The following FAM210B variants were observed in gnomAD, a reference collection of about 807,000 sequenced individuals.
FAM210B encodes family with sequence similarity 210 member B.
A neutral mutation model predicts 14.9 loss-of-function variants in FAM210B; 11 were observed. The observed-to-expected ratio is 0.74, with a 90% CI of 0.46 to 1.22. FAM210B has a LOEUF of 1.22. Ranked by LOEUF, FAM210B falls within the 50% of genes most tolerant of loss-of-function variation. The pLI is 0.00. For synonymous variants in FAM210B, 113 were observed against 110.2 expected (o/e 1.03, Z -0.16); for missense variants, 229 against 250.1 (o/e 0.92, Z 0.57).
At position 56,362,192 on chromosome 20, in the gene FAM210B, G is replaced by A. The variant is rs1306702730; in HGVS notation, c.187-2895G>A. Among the ~76,000 whole-genome samples, 2 of 152,140 alleles carry A rather than the reference G, an allele frequency of 1.3e-5. No homozygotes were observed. Among genetic ancestry groups the A allele is most frequent in the Admixed American group, 1.3e-4 (2 of 15,258 alleles). On this transcript the variant is annotated intron_variant, in intron 1 of 2. Coordinates refer to ENST00000371384, the MANE Select transcript of FAM210B (RefSeq NM_080821.3). This position sits in a 1 kb window ranked among gnomAD's most constrained non-coding sequence, Gnocchi z 4.8. ...TATTAATATGATTTCTCAAGTGGAA[G>A]AAAACAGGTGTCACTCCAAACACTG...
At chr20:56,365,400 T>TTGTGG in intron 2 of FAM210B, 138 bp downstream of exon 2, 1 of 881,318 alleles carries the variant, frequency 1.1e-6, no homozygotes, top group Admixed American at 2.6e-5. Flanking sequence ...AGTGGCATGA[T>TTGTGG]CACAGCTCAC....
At chr20:56,361,285 C>A (rs1398809860) in intron 1 of FAM210B, among the ~76,000 whole-genome samples, 1 of 152,146 alleles carries the variant, frequency 6.6e-6, no homozygotes, top group Non-Finnish European at 1.5e-5. Context: ...CCCTGTCTCC[C>A]GCCCCATTGG....
rs1302168138 is a variant in FAM210B, at chr20:56,359,026, G to A, written c.21G>A (p.Leu7=). 1 of 1,341,980 alleles carries A rather than the reference G, an allele frequency of 7.5e-7. No individual in the cohort carries two copies. Among genetic ancestry groups the A allele is most frequent in the Non-Finnish European group, 9.6e-7 (1 of 1,040,604 alleles). 83.1% of individuals were successfully genotyped at this position (1,341,980 alleles called of 1,614,324 possible). A position where few individuals can be genotyped will look rare whatever the true frequency, so the allele number is the denominator to read the frequency against. The part of the protein sequence containing the change: MAGLLA[L]LGPAGRVGAR... ...GCACCATGGCCGGGTTGCTGGCGTT[G>A]CTGGGTCCGGCAGGCAGGGTGGGCG... Residue 7 remains leucine, a synonymous_variant, in exon 1 of 3, where the codon TTG becomes TTA. Coordinates refer to ENST00000371384, the MANE Select transcript of FAM210B (RefSeq NM_080821.3). This position sits in a 1 kb window ranked among gnomAD's most constrained non-coding sequence, Gnocchi z 4.3.
chr20:56,366,779 T>C lies in FAM210B; in HGVS notation c.*492T>C, dbSNP rs1259233610. The C allele has an allele frequency of 6.4e-6, 1 of 156,616 alleles. No individual in the cohort carries two copies. Among genetic ancestry groups the C allele is most frequent in the African/African-American group, 2.4e-5 (1 of 41,490 alleles). The allele number at this position is 156,616 out of a possible 1,614,324, so 9.7% of individuals were successfully genotyped here. A position where few individuals can be genotyped will look rare whatever the true frequency, so the allele number is the denominator to read the frequency against. The stretch of plus-strand genomic sequence containing the variant: ...CTACAATTAATGAAGCAAAACTTAA[T>C]ATGTAATCACAATCTAAATTAGCAT... On this transcript the variant is annotated 3_prime_UTR_variant, in exon 3 of 3. Coordinates refer to ENST00000371384, the MANE Select transcript of FAM210B (RefSeq NM_080821.3).
rs541856770 is a variant in FAM210B at position 56,359,890 on chromosome 20, T to G, written c.186+699T>G. Among the ~76,000 whole-genome samples the G allele has an allele frequency of 2.1e-3, 319 of 152,332 alleles. 4 individuals are homozygous for G. Among genetic ancestry groups the G allele is most frequent in the South Asian group, 2.1e-3 (10 of 4,830 alleles). ...CCGGCCTGGCAGTCTGGAGCCTCTT[T>G]GTTTGCCTGGGTGCAGACAGGGCCC... is the stretch of plus-strand genomic sequence containing the variant. On this transcript the variant is annotated intron_variant, in intron 1 of 2. Coordinates refer to ENST00000371384, the MANE Select transcript of FAM210B (RefSeq NM_080821.3). This position sits in a 1 kb window ranked among gnomAD's most constrained non-coding sequence, Gnocchi z 4.3.
chr20:56,360,070 GC>G, intron 1 of FAM210B: 1 of 398,320 alleles, frequency 2.5e-6, no homozygotes, highest in Non-Finnish European at 5.2e-6. Flanking sequence ...CGCCGGCCCA[GC>G]GAACATCTCC....
chr20:56,359,081 C>T lies in FAM210B; in HGVS notation c.76C>T (p.Leu26=), dbSNP rs1409468089. Residue 26 remains leucine, a synonymous_variant, in exon 1 of 3, where the codon CTG becomes TTG. Coordinates refer to ENST00000371384, the MANE Select transcript of FAM210B (RefSeq NM_080821.3). This position sits in a 1 kb window ranked among gnomAD's most constrained non-coding sequence, Gnocchi z 4.3. ...ARVRPRATWL[L]GATAPCAPPP... ...GGTCCGGCCTCGCGCCACCTGGCTC[C>T]TGGGCGCCACCGCCCCCTGCGCCCC... The T allele has an allele frequency of 3.7e-6, 5 of 1,353,526 alleles. No individual in the cohort carries two copies. Among genetic ancestry groups the T allele is most frequent in the Admixed American group, 2.9e-5 (1 of 34,314 alleles). The allele number at this position is 1,353,526 out of a possible 1,614,324, so 83.8% of individuals were successfully genotyped here. A position where few individuals can be genotyped will look rare whatever the true frequency, so the allele number is the denominator to read the frequency against.
In FAM210B at chr20:56,359,069, G is replaced by C; in HGVS notation, c.64G>C (p.Ala22Pro). 1 of 1,356,066 alleles carries C rather than the reference G, an allele frequency of 7.4e-7. No individual in the cohort carries two copies. The highest frequency in any genetic ancestry group is 9.5e-7 in the Non-Finnish European group (1 of 1,049,756). 84.0% of individuals were successfully genotyped at this position (1,356,066 alleles called of 1,614,324 possible). Residue 22 changes from alanine (A) to proline (P), a missense_variant, in exon 1 of 3, where the codon GCC becomes CCC. Ala to Pro is a conservative substitution (Grantham distance 27). Coordinates refer to ENST00000371384, the MANE Select transcript of FAM210B (RefSeq NM_080821.3). This position sits in a 1 kb window ranked among gnomAD's most constrained non-coding sequence, Gnocchi z 4.3. ...GGTGGGCGCCCGGGTCCGGCCTCGC[G>C]CCACCTGGCTCCTGGGCGCCACCGC... ...GRVGARVRPRATWLLGATAPC... is the reference protein window; with the variant it reads ...GRVGARVRPRPTWLLGATAPC...
rs556731908 is a variant in FAM210B at position 56,360,912 on chromosome 20, C to G, written c.186+1721C>G. Among the ~76,000 whole-genome samples, 5 of 152,296 alleles carry G rather than the reference C, an allele frequency of 3.3e-5. No homozygotes were observed. In the South Asian group the frequency reaches 8.3e-4, roughly 25 times the overall value. ...AACCTCCCCTGTCGTCTGTTCTGGC[C>G]GCCCACCCTCGTCGGGAGGTAGGAG... On this transcript the variant is annotated intron_variant, in intron 1 of 2. Transcript: ENST00000371384.
chr20:56,361,989 TAATAA>T (rs1453029422), intron 1 of FAM210B, among the ~76,000 whole-genome samples: 1 of 151,932 alleles, frequency 6.6e-6, no homozygotes, highest in Non-Finnish European at 1.5e-5. Flanking sequence ...AAATATAAAA[TAATAA>T]AATAAAAGAT....
rs1015590238 is a variant in FAM210B, at chr20:56,362,448, G to A, written c.187-2639G>A. Among the ~76,000 whole-genome samples the A allele has an allele frequency of 6.6e-6, 1 of 152,092 alleles. No individual in the cohort carries two copies. Among genetic ancestry groups the A allele is most frequent in the African/African-American group, 2.4e-5 (1 of 41,400 alleles). On this transcript the variant is annotated intron_variant, in intron 1 of 2. Transcript: ENST00000371384. This position sits in a 1 kb window ranked among gnomAD's most constrained non-coding sequence, Gnocchi z 4.8. ...TGCCTAACACATCCCGGGTACTTAC[G>A]GCAATGTTTCACGAAGAAATGAATG...
rs1983644691 is a variant in FAM210B, at chr20:56,366,792, T to G, written c.*505T>G. On this transcript the variant is annotated 3_prime_UTR_variant, in exon 3 of 3. Transcript: ENST00000371384. ...AGCAAAACTTAATATGTAATCACAA[T>G]CTAAATTAGCATCAATACTTTGACA... The G allele has an allele frequency of 6.4e-6, 1 of 155,544 alleles. No homozygotes were observed. 9.6% of individuals were successfully genotyped at this position (155,544 alleles called of 1,614,324 possible).
chr20:56,364,693 G>A (rs1292910556), intron 1 of FAM210B, among the ~76,000 whole-genome samples: 1 of 151,994 alleles, frequency 6.6e-6, no homozygotes, highest in Non-Finnish European at 1.5e-5. Context: ...ACTGATCCAC[G>A]CCTGTAATCC....
In FAM210B at chr20:56,366,462, T is replaced by C. The variant is rs1379958205; in HGVS notation, c.*175T>C. ...CAGGCTTTTGAACAATTTTAATTTT[T>C]TGCCTCATAAATTTTGTGAATGCTA... On this transcript the variant is annotated 3_prime_UTR_variant, in exon 3 of 3. Transcript: ENST00000371384. 1.4e-5 allele frequency: 9 copies of C among 634,376 alleles called. No individual in the cohort carries two copies. Among genetic ancestry groups the C allele is most frequent in the Non-Finnish European group, 2.4e-5 (9 of 371,672 alleles). The allele number at this position is 634,376 out of a possible 1,614,324, so 39.3% of individuals were successfully genotyped here. A position where few individuals can be genotyped will look rare whatever the true frequency, so the allele number is the denominator to read the frequency against.
chr20:56,364,591 C>T (rs1038328588), intron 1 of FAM210B, among the ~76,000 whole-genome samples: 2 of 152,142 alleles, frequency 1.3e-5, no homozygotes. Flanking sequence ...TCTTTGGAGT[C>T]ATCATTCTGC....
intron 1 of FAM210B, among the ~76,000 whole-genome samples, chr20:56,361,154 T>G (rs1346458722): frequency 6.6e-6 from 1 of 151,118 alleles, no homozygotes; most frequent in East Asian, 1.9e-4. Flanking sequence ...GTAGGGGGAG[T>G]TCAGGCAGAT....
rs1385558864 is a variant in FAM210B at position 56,366,868 on chromosome 20, A to C, written c.*581A>C. On this transcript the variant is annotated 3_prime_UTR_variant, in exon 3 of 3. Coordinates refer to ENST00000371384, the MANE Select transcript of FAM210B (RefSeq NM_080821.3). ...AAAGTAGTTCTGGTATGTTTCATTGATCCCCAGATACCTTCCAATCTGGAC... is the reference window on the plus strand; with the variant it reads ...AAAGTAGTTCTGGTATGTTTCATTGCTCCCCAGATACCTTCCAATCTGGAC... 6.5e-6 allele frequency: 1 copy of C among 153,134 alleles called. No homozygotes were observed. The highest frequency in any genetic ancestry group is 2.4e-5 in the African/African-American group (1 of 41,452). 9.5% of individuals were successfully genotyped at this position (153,134 alleles called of 1,614,324 possible).
chr20:56,368,531 C>G lies in FAM210B; in HGVS notation c.*2244C>G, dbSNP rs6024835. The G allele has an allele frequency of 6.6e-6, 1 of 151,576 alleles. No individual in the cohort carries two copies. Among genetic ancestry groups the G allele is most frequent in the African/African-American group, 2.4e-5 (1 of 41,416 alleles). 9.4% of individuals were successfully genotyped at this position (151,576 alleles called of 1,614,324 possible). A position where few individuals can be genotyped will look rare whatever the true frequency, so the allele number is the denominator to read the frequency against. On this transcript the variant is annotated 3_prime_UTR_variant, in exon 3 of 3. Transcript: ENST00000371384. Reference sequence around the variant, plus strand: ...GCCAGGGGTCCAAACAGAAAATAACCGGAGAAGACAAGGAGGTCAAAGGAT... The same window carrying G: ...GCCAGGGGTCCAAACAGAAAATAACGGGAGAAGACAAGGAGGTCAAAGGAT...
In FAM210B at chr20:56,359,227, G is replaced by A. The variant is rs1229922947; in HGVS notation, c.186+36G>A. ...CACCCCGACCCTGATCCCGGGCGGT[G>A]TCCAGGTCCCCAGACGTCCGCAGGG... is the stretch of plus-strand genomic sequence containing the variant. On this transcript the variant is annotated intron_variant, in intron 1 of 2. Transcript: ENST00000371384. This position sits in a 1 kb window ranked among gnomAD's most constrained non-coding sequence, Gnocchi z 4.3. The A allele has an allele frequency of 4.0e-5, 49 of 1,222,510 alleles. No homozygotes were observed. The highest frequency in any genetic ancestry group is 4.9e-5 in the Non-Finnish European group (48 of 982,752). The allele number at this position is 1,222,510 out of a possible 1,614,324, so 75.7% of individuals were successfully genotyped here. A position where few individuals can be genotyped will look rare whatever the true frequency, so the allele number is the denominator to read the frequency against.
Sources: allele counts gnomAD v4.1 joint callset (sites outside exome capture counted in the v4.1 genomes callset), GRCh38; gene constraint gnomAD v4.1.1; non-coding constraint Gnocchi (gnomAD v3.1); transcripts MANE v1.5; gene names NCBI Gene and HGNC (gene_info 2026-07-23, HGNC 2026-07-21).